Variants in LPA observed in about 807,000 individuals in gnomAD.
LPA encodes the protein lipoprotein(a).
A neutral mutation model predicts 197.9 loss-of-function variants in LPA; 199 were observed. The observed-to-expected ratio is 1.01, with a 90% CI of 0.90 to 1.13. The LOEUF is 1.13. Ranked by LOEUF, LPA falls within the 50% of genes most tolerant of loss-of-function variation. LPA has a pLI of 0.00. For missense variants in LPA, 1,853 were observed against 1,785.8 expected, an observed-to-expected ratio of 1.04 and a Z score of -0.68; for synonymous variants, 715 against 639.5, an observed-to-expected ratio of 1.12 and a Z score of -1.78.
intron 18 of LPA, among the ~76,000 whole-genome samples, chr6:160,604,399 C>T (rs1779303875): frequency 6.6e-6 from 1 of 152,130 alleles, no homozygotes; most frequent in Admixed American, 6.5e-5. Context: ...TCTTTGGTGT[C>T]ACTTATGGCC....
chr6:160,548,540 C>T lies in LPA; in HGVS notation c.5093G>A (p.Gly1698Glu), dbSNP rs368717561. Residue 1698 changes from glycine (G) to glutamate (E), a missense_variant, in exon 31 of 39, where the codon GGG becomes GAG. Around this residue, in one of 3 missense-constraint regions of LPA, gnomAD observed 1,737 missense variants for 1,504.4 expected, o/e 1.15. Coordinates refer to ENST00000316300, the MANE Select transcript of LPA (RefSeq NM_005577.4). ...GACAGTCGGAGGAGCGACCACAGTC[C>T]CTTCTGTGTCTGAGCATCGCGTCAG... ...CNLTRCSDTE[G>E]TVVAPPTVIQ... 31 of 1,613,972 alleles carry T rather than the reference C, an allele frequency of 1.9e-5. No homozygotes were observed. The highest frequency in any genetic ancestry group is 2.6e-5 in the Non-Finnish European group (31 of 1,180,014).
rs759723650 is a variant in LPA at position 160,578,589 on chromosome 6, C to A, written c.4405G>T (p.Glu1469Ter). 27 of 1,613,974 alleles carry A rather than the reference C, an allele frequency of 1.7e-5. No homozygotes were observed. Among genetic ancestry groups the A allele is most frequent in the Non-Finnish European group, 2.3e-5 (27 of 1,179,956 alleles). ...GTGGGAGTTGTGAGGACACTCGATTCTGTCACTGGACATCGTGTCAGGTTG... is the reference window on the plus strand; with the variant it reads ...GTGGGAGTTGTGAGGACACTCGATTATGTCACTGGACATCGTGTCAGGTTG... The part of the protein sequence containing the change: ...YCNLTRCPVT[E>*]SSVLTTPTVA... Residue 1469 changes from glutamate to a stop codon, truncating the protein, a stop_gained, in exon 27 of 39, where the codon GAA becomes TAA. Coordinates refer to ENST00000316300, the MANE Select transcript of LPA (RefSeq NM_005577.4). LOFTEE classifies it high-confidence loss of function.
intron 20 of LPA, among the ~76,000 whole-genome samples, chr6:160,596,406 T>C (rs1176410739): frequency 6.6e-6 from 1 of 151,610 alleles, no homozygotes; most frequent in Non-Finnish European, 1.5e-5. Context: ...TTTTTTTTTT[T>C]CTTGTGTAGA....
chr6:160,576,396 A>ATATATATATATATATGTG (rs1778675358), intron 28 of LPA, among the ~76,000 whole-genome samples: 1 of 46,942 alleles, frequency 2.1e-5, no homozygotes, highest in Non-Finnish European at 3.5e-5. Context: ...ATATGTATAT[A>ATATATATATATATATGTG]TATATATATA....
At chr6:160,658,659 CTA>C (rs1206232574) in intron 1 of LPA, among the ~76,000 whole-genome samples, 1 of 152,136 alleles carries the variant, frequency 6.6e-6, no homozygotes, top group African/African-American at 2.4e-5. Context: ...GCATAACTCT[CTA>C]AACAATTCAG....
At chr6:160,583,407 G>A (rs1229804961) in intron 26 of LPA, among the ~76,000 whole-genome samples, 1 of 152,146 alleles carries the variant, frequency 6.6e-6, no homozygotes, top group Non-Finnish European at 1.5e-5. Context: ...TGTTTCTGGA[G>A]TAGACTTTAT....
intron 30 of LPA, among the ~76,000 whole-genome samples, chr6:160,550,179 C>CCATT (rs1271692199): frequency 9.9e-5 from 15 of 150,998 alleles, no homozygotes; most frequent in Admixed American, 3.3e-4. Flanking sequence ...CGAGATTGGG[C>CCATT]CATTACACTC....
At chr6:160,579,583 C>T (rs1778752454) in intron 26 of LPA, among the ~76,000 whole-genome samples, 1 of 152,184 alleles carries the variant, frequency 6.6e-6, no homozygotes, top group Admixed American at 6.5e-5. Context: ...CAGTAAGAGG[C>T]ACAGCAGGTG....
At chr6:160,605,503 G>C (rs962983129) in intron 17 of LPA, among the ~76,000 whole-genome samples, 1 of 152,172 alleles carries the variant, frequency 6.6e-6, no homozygotes, top group Non-Finnish European at 1.5e-5. Context: ...CTTCTCAATG[G>C]AAACTGTGCT....
chr6:160,597,457 T>C (rs1779155701), intron 20 of LPA, among the ~76,000 whole-genome samples: 1 of 152,246 alleles, frequency 6.6e-6, no homozygotes, highest in Non-Finnish European at 1.5e-5. Context: ...TTCACACCTG[T>C]GTGGGTGTGG....
At chr6:160,578,122 T>G (rs41272130) in intron 27 of LPA, among the ~76,000 whole-genome samples, 2,202 of 152,296 alleles carry the variant, frequency 0.014, 44 homozygotes, top group African/African-American at 0.05. Flanking sequence ...GGCCATGTTC[T>G]TAAGAAACTG....
At chr6:160,600,827 T>C in intron 19 of LPA, 90 bp downstream of exon 19, 1 of 1,393,052 alleles carries the variant, frequency 7.2e-7, no homozygotes. Context: ...CGAGAACCAG[T>C]GTAGCACTGA....
In LPA at chr6:160,590,992, C is replaced by G. The variant is rs769620286; in HGVS notation, c.3739G>C (p.Val1247Leu). 1.9e-6 allele frequency: 3 copies of G among 1,614,026 alleles called. No homozygotes were observed. In the South Asian group the frequency reaches 3.3e-5, roughly 18 times the overall value. ...GTCGCAAGGACACTTGATTCTGTCA[C>G]TGGACATTGTGTCAGGTTGCAGTAC... The part of the protein sequence containing the change: ...WEYCNLTQCP[V>L]TESSVLATST... The change falls in exon 23 of 39, where the codon GTG (valine) becomes CTG (leucine). Residue 1247 changes from valine to leucine, a missense_variant. Transcript: ENST00000316300.
chr6:160,542,854 G>C, intron 33 of LPA, 46 bp from the exon 34 acceptor site: 1 of 1,612,674 alleles, frequency 6.2e-7, no homozygotes, highest in Non-Finnish European at 8.5e-7. Context: ...GTCCAAGTTA[G>C]CAATTGTGTC....
intron 33 of LPA, among the ~76,000 whole-genome samples, chr6:160,544,265 T>C (rs1778028569): frequency 6.6e-6 from 1 of 151,982 alleles, no homozygotes; most frequent in Non-Finnish European, 1.5e-5. Context: ...GTGTACTAGA[T>C]GGGGCCAGAA....
chr6:160,579,340 G>A (rs1778746866), intron 26 of LPA, among the ~76,000 whole-genome samples: 2 of 152,128 alleles, frequency 1.3e-5, no homozygotes, highest in South Asian at 4.1e-4. Context: ...ACTTATAAAA[G>A]CTTCCCTGGA....
chr6:160,659,158 A>G (rs1351212653), intron 1 of LPA, among the ~76,000 whole-genome samples: 1 of 152,150 alleles, frequency 6.6e-6, no homozygotes, highest in African/African-American at 2.4e-5. Flanking sequence ...AGGCTAAGCC[A>G]GTCTAGCCTT....
intron 1 of LPA, among the ~76,000 whole-genome samples, chr6:160,657,798 C>A (rs1780156842): frequency 2.6e-5 from 4 of 152,114 alleles, no homozygotes; most frequent in African/African-American, 2.4e-5. Context: ...ACTCTATGTC[C>A]CTTCCACCAT....
chr6:160,599,474 G>A (rs373033020), intron 20 of LPA, 26 bp downstream of exon 20: 40 of 1,612,224 alleles, frequency 2.5e-5, no homozygotes, highest in Middle Eastern at 2.0e-4. Flanking sequence ...CCCTTCCTTC[G>A]CTTATGGTAA....
Sources: allele counts gnomAD v4.1 joint callset (sites outside exome capture counted in the v4.1 genomes callset), GRCh38; gene constraint gnomAD v4.1.1; regional missense constraint gnomAD v4.1.1; transcripts MANE v1.5; gene names NCBI Gene and HGNC (gene_info 2026-07-23, HGNC 2026-07-21).